Variants in CARNMT1 observed in about 807,000 individuals in gnomAD.
The protein encoded by CARNMT1 is carnosine N-methyltransferase 1.
CARNMT1 carries 28 observed loss-of-function variants against 49.6 expected under a neutral mutation model. The observed-to-expected ratio is 0.56, with a 90% CI of 0.42 to 0.77. The LOEUF is 0.77. Ranked by LOEUF, CARNMT1 falls within the 30% of genes least tolerant of loss-of-function variation. CARNMT1 has a pLI of 0.00. For missense variants in CARNMT1, 421 were observed against 512.6 expected, an observed-to-expected ratio of 0.82 and a Z score of 1.73; for synonymous variants, 178 against 175.0, an observed-to-expected ratio of 1.02 and a Z score of -0.13.
intron 3 of CARNMT1, among the ~76,000 whole-genome samples, chr9:75,014,961 A>G (rs760035035): frequency 6.6e-6 from 1 of 152,264 alleles, no homozygotes; most frequent in Non-Finnish European, 1.5e-5. Flanking sequence ...GTTGTCAATC[A>G]ATACGGAGGC....
chr9:75,006,666 A>G (rs1018735327), intron 3 of CARNMT1, among the ~76,000 whole-genome samples: 2 of 152,222 alleles, frequency 1.3e-5, no homozygotes, highest in East Asian at 1.9e-4. Flanking sequence ...TATGAGGAAC[A>G]GTTATGGAAA....
chr9:75,000,288 T>C (rs1432231159), intron 3 of CARNMT1, among the ~76,000 whole-genome samples: 1 of 152,216 alleles, frequency 6.6e-6, no homozygotes, highest in Admixed American at 6.5e-5. Flanking sequence ...CTAAATTTTA[T>C]ATGTAACTCA....
At chr9:74,987,858 G>C (rs1177792843) in intron 6 of CARNMT1, among the ~76,000 whole-genome samples, 1 of 151,566 alleles carries the variant, frequency 6.6e-6, no homozygotes, top group Non-Finnish European at 1.5e-5. Context: ...ATTTGATATG[G>C]GGAAAATTAT....
intron 3 of CARNMT1, among the ~76,000 whole-genome samples, chr9:75,004,699 T>A (rs1021617750): frequency 1.3e-5 from 2 of 152,172 alleles, no homozygotes. Context: ...GGAAAAAAAA[T>A]GCTTCGTTAA....
chr9:74,984,406 G>A (rs1832765354), intron 7 of CARNMT1, among the ~76,000 whole-genome samples: 1 of 152,120 alleles, frequency 6.6e-6, no homozygotes, highest in East Asian at 1.9e-4. Context: ...TCACCAGAAA[G>A]TAGTTTTCCC....
chr9:75,018,890 G>A (rs1053261451), intron 1 of CARNMT1, among the ~76,000 whole-genome samples: 7 of 151,166 alleles, frequency 4.6e-5, no homozygotes, highest in African/African-American at 1.7e-4. Flanking sequence ...TCGCTTGAAC[G>A]CGGGAGGCAG....
intron 1 of CARNMT1, among the ~76,000 whole-genome samples, chr9:75,018,143 CCT>C (rs1338779231): frequency 6.6e-6 from 1 of 152,108 alleles, no homozygotes; most frequent in Non-Finnish European, 1.5e-5. Flanking sequence ...CTCACTGCAA[CCT>C]CTGTCTCCCA....
intron 7 of CARNMT1, 83 bp downstream of exon 7, chr9:74,984,824 T>C (rs1832782683): frequency 3.6e-6 from 3 of 834,526 alleles, no homozygotes; most frequent in Admixed American, 3.8e-5. Context: ...AGAATTCAAA[T>C]AGTCACTAAC....
chr9:74,999,246 T>C (rs1028593590), intron 4 of CARNMT1, among the ~76,000 whole-genome samples: 3 of 152,092 alleles, frequency 2.0e-5, no homozygotes, highest in East Asian at 1.9e-4. Context: ...AAAATAACAA[T>C]TGTTTTCCAC....
chr9:75,016,698 T>C, intron 2 of CARNMT1: 1 of 367,408 alleles, frequency 2.7e-6, no homozygotes, highest in East Asian at 4.8e-5. Context: ...CAAACTGAGC[T>C]GCTATGGAGA....
intron 6 of CARNMT1, among the ~76,000 whole-genome samples, chr9:74,992,791 C>T (rs1833068271): frequency 6.6e-6 from 1 of 152,172 alleles, no homozygotes; most frequent in African/African-American, 2.4e-5. Flanking sequence ...AATTTTACCT[C>T]CAATGTCATT....
intron 1 of CARNMT1, among the ~76,000 whole-genome samples, chr9:75,024,335 T>C (rs1822463689): frequency 6.6e-6 from 1 of 152,250 alleles, no homozygotes; most frequent in African/African-American, 2.4e-5. Context: ...GGTCAGATTC[T>C]ACCACAACTG....
rs574278933 is a variant in CARNMT1 at position 75,022,940 on chromosome 9, A to C, written c.230+5072T>G. 1.6e-4 allele frequency among the ~76,000 whole-genome samples: 25 copies of C among 152,178 alleles called. No homozygotes were observed. In the East Asian group the frequency reaches 2.3e-3, roughly 14 times the overall value. Reference sequence around the variant, plus strand: ...ACTTCAGGTCAGGAGTTCGAGATCAAGAACATCCTGGCTAACACAGTGAAA... The same window carrying C: ...ACTTCAGGTCAGGAGTTCGAGATCACGAACATCCTGGCTAACACAGTGAAA... On this transcript the variant is annotated intron_variant, in intron 1 of 7. Coordinates refer to ENST00000376834, the MANE Select transcript of CARNMT1 (RefSeq NM_152420.3).
rs542290520 is a variant in CARNMT1, at chr9:75,022,422, C to T, written c.231-4974G>A. ...TATTTTTAGTAGAGATGGGGTTTCA[C>T]CATGTTGGTCAGGCTGATCTTGAAC... On this transcript the variant is annotated intron_variant, in intron 1 of 7. Transcript: ENST00000376834. Among the ~76,000 whole-genome samples the T allele has an allele frequency of 2.6e-5, 4 of 151,994 alleles. No homozygotes were observed. In the East Asian group the frequency reaches 7.8e-4, roughly 30 times the overall value.
At chr9:74,983,922 TAACA>T in intron 7 of CARNMT1, 54 bp from the exon 8 acceptor site, 3 of 1,252,624 alleles carry the variant, frequency 2.4e-6, no homozygotes, top group Non-Finnish European at 3.3e-6. Context: ...ACCACACCAC[TAACA>T]AATTCTGAGC....
At chr9:75,024,597 C>T (rs947802127) in intron 1 of CARNMT1, among the ~76,000 whole-genome samples, 3 of 152,110 alleles carry the variant, frequency 2.0e-5, no homozygotes, top group African/African-American at 7.2e-5. Flanking sequence ...CCATTTTTAC[C>T]TTAATGAGAA....
Position 75,028,135 on chromosome 9 carries a change from C to A in CARNMT1, c.107G>T (p.Arg36Leu). The A allele has an allele frequency of 6.5e-7, 1 of 1,550,370 alleles. No homozygotes were observed. The highest frequency in any genetic ancestry group is 8.7e-7 in the Non-Finnish European group (1 of 1,150,428). ...CGAAACCGCCGCGGCCGAGCCCCAA[C>A]GCCCGGCGGAAAACTGCACTTCCAC... is the stretch of plus-strand genomic sequence containing the variant. ...EEVEVQFSAG[R>L]WGSAAAVSAA... Residue 36 changes from arginine to leucine, a missense_variant, in exon 1 of 8, where the codon CGT (arginine) becomes CTT (leucine). Transcript: ENST00000376834.
At chr9:74,994,706 G>A (rs1171717962) in intron 6 of CARNMT1, among the ~76,000 whole-genome samples, 1 of 152,094 alleles carries the variant, frequency 6.6e-6, no homozygotes, top group Non-Finnish European at 1.5e-5. Flanking sequence ...TTAAAAGAAA[G>A]CTGATTCTGA....
intron 3 of CARNMT1, among the ~76,000 whole-genome samples, chr9:75,007,596 T>C (rs924847186): frequency 1.3e-5 from 2 of 151,208 alleles, no homozygotes; most frequent in African/African-American, 4.9e-5. Flanking sequence ...AGGTGTGGTG[T>C]TGGGCGCCTG....
Sources: allele counts gnomAD v4.1 joint callset (sites outside exome capture counted in the v4.1 genomes callset), GRCh38; gene constraint gnomAD v4.1.1; transcripts MANE v1.5; gene names NCBI Gene and HGNC (gene_info 2026-07-23, HGNC 2026-07-21).